Variants in TSPAN19 observed in about 807,000 individuals in gnomAD.
The protein encoded by TSPAN19 is tetraspanin-19.
Under a neutral mutation model 35.1 loss-of-function variants are expected in TSPAN19, and 44 were observed. The ratio of observed to expected loss-of-function variants is 1.25; its 90% confidence interval spans 0.98 to 1.61. The LOEUF (loss-of-function observed/expected upper bound fraction) is 1.61, where lower values mean the gene tolerates loss of function less well. TSPAN19 is among the 40% of genes most tolerant of loss of function. The probability of loss-of-function intolerance (pLI) is 0.00; values close to 1 mark genes in which losing one functional copy is unlikely to be tolerated. For missense variants in TSPAN19, 290 were observed against 280.0 expected, an observed-to-expected ratio of 1.04 and a Z score of -0.26; for synonymous variants, 79 against 92.0, an observed-to-expected ratio of 0.86 and a Z score of 0.81.
intron 7 of TSPAN19, 105 bp downstream of exon 7, chr12:85,017,348 TCAA>T: frequency 2.0e-6 from 2 of 1,013,486 alleles, no homozygotes; most frequent in Non-Finnish European, 2.9e-6. Context: ...GTAGCCACCG[TCAA>T]CAACATTATT....
chr12:85,017,751 T>C (rs559477340), intron 6 of TSPAN19, among the ~76,000 whole-genome samples, 152 bp from the exon 7 acceptor site: 1 of 152,046 alleles, frequency 6.6e-6, no homozygotes, highest in African/African-American at 2.4e-5. Context: ...TCTGTGCTTG[T>C]TTAATTCATT....
In TSPAN19 at chr12:85,028,043, A is replaced by C; in HGVS notation, c.140-20T>G. ...TTTCATCTGTGAAAAGTACAAATTT[A>C]CTTATTATGAAGTGGTATTTTATAT... On this transcript the variant is annotated intron_variant, in intron 3 of 8. Transcript: ENST00000532498. The C allele has an allele frequency of 1.3e-6, 2 of 1,498,160 alleles. No homozygotes were observed. The highest frequency in any genetic ancestry group is 1.8e-6 in the Non-Finnish European group (2 of 1,105,392). The allele number at this position is 1,498,160 out of a possible 1,614,324, so 92.8% of individuals were successfully genotyped here.
intron 8 of TSPAN19, 70 bp downstream of exon 8, chr12:85,015,818 T>G: frequency 8.9e-7 from 1 of 1,117,862 alleles, no homozygotes; most frequent in Non-Finnish European, 1.3e-6. Context: ...CTCCACCTGA[T>G]TGCTCTGCAG....
At chr12:85,025,858 T>C (rs1877386013) in intron 4 of TSPAN19, among the ~76,000 whole-genome samples, 1 of 152,248 alleles carries the variant, frequency 6.6e-6, no homozygotes, top group South Asian at 2.1e-4. Context: ...CTATAATATT[T>C]GCCCATAAGT....
In TSPAN19 at chr12:85,025,525, T is replaced by C. The variant is rs1738428646; in HGVS notation, c.265-2125A>G. ...CCTTTAAGACATGGAATAGCTTTTT[T>C]TGTTGGGGGGGAGGTGGGGGATGGA... is the stretch of plus-strand genomic sequence containing the variant. On this transcript the variant is annotated intron_variant, in intron 4 of 8. Coordinates refer to ENST00000532498, the MANE Select transcript of TSPAN19 (RefSeq NM_001100917.2). Among the ~76,000 whole-genome samples, 3 of 151,158 alleles carry C rather than the reference T, an allele frequency of 2.0e-5. No individual in the cohort carries two copies. The South Asian group carries it at 6.3e-4, about 32-fold the overall frequency.
chr12:85,030,361 A>T (rs1031062389), intron 1 of TSPAN19, among the ~76,000 whole-genome samples: 1 of 152,098 alleles, frequency 6.6e-6, no homozygotes, highest in African/African-American at 2.4e-5. Flanking sequence ...ATAGCCAGGA[A>T]CATTTCCAGT....
Position 85,027,885 on chromosome 12 carries a change from C to T in TSPAN19, c.264+14G>A. On this transcript the variant is annotated intron_variant, in intron 4 of 8. Transcript: ENST00000532498. Reference sequence around the variant, plus strand: ...CTAAGACAAAAATTCAAACTATTGACATGAAATACGTACCACAATTAGGAG... The same window carrying T: ...CTAAGACAAAAATTCAAACTATTGATATGAAATACGTACCACAATTAGGAG... 1 of 1,549,012 alleles carries T rather than the reference C, an allele frequency of 6.5e-7. No individual in the cohort carries two copies. Among genetic ancestry groups the T allele is most frequent in the Non-Finnish European group, 8.7e-7 (1 of 1,149,256 alleles).
In TSPAN19 at chr12:85,014,483, A is replaced by C. The variant is rs1445037860; in HGVS notation, c.*4T>G. 1.3e-6 allele frequency: 2 copies of C among 1,589,138 alleles called. No individual in the cohort carries two copies. The highest frequency in any genetic ancestry group is 2.3e-5 in the South Asian group (2 of 86,874). On this transcript the variant is annotated 3_prime_UTR_variant, in exon 9 of 9. Transcript: ENST00000532498. ...TTTCTTCTGAACAAATTGAAATCCA[A>C]AGGTCACATTTCTGCATGGATTATA...
chr12:85,028,586 T>C (rs1456991611), intron 3 of TSPAN19, among the ~76,000 whole-genome samples: 1 of 152,150 alleles, frequency 6.6e-6, no homozygotes, highest in African/African-American at 2.4e-5. Context: ...CAACAAATAA[T>C]TGTTTTAAAA....
intron 6 of TSPAN19, among the ~76,000 whole-genome samples, chr12:85,019,096 G>T (rs1225240462): frequency 1.3e-5 from 2 of 151,776 alleles, no homozygotes; most frequent in African/African-American, 4.8e-5. Context: ...TTTATGCCCT[G>T]GATCCAAGCC....
chr12:85,034,031 C>A (rs925051069), intron 1 of TSPAN19, among the ~76,000 whole-genome samples: 2 of 152,008 alleles, frequency 1.3e-5, no homozygotes, highest in Non-Finnish European at 2.9e-5. Flanking sequence ...CATAAATTCT[C>A]ATTTTTCTGT....
chr12:85,024,348 A>G (rs949043741), intron 4 of TSPAN19, among the ~76,000 whole-genome samples: 2 of 152,168 alleles, frequency 1.3e-5, no homozygotes, highest in African/African-American at 4.8e-5. Context: ...AGTCCTTAGA[A>G]ACAGTATTTA....
At chr12:85,017,651 A>G in intron 6 of TSPAN19, 52 bp from the exon 7 acceptor site, 2 of 1,356,136 alleles carry the variant, frequency 1.5e-6, no homozygotes, top group Non-Finnish European at 2.0e-6. Context: ...AATGCAGTTA[A>G]TTATATGAGA....
chr12:85,018,304 T>C (rs1037760233), intron 6 of TSPAN19, among the ~76,000 whole-genome samples: 1 of 151,930 alleles, frequency 6.6e-6, no homozygotes, highest in African/African-American at 2.4e-5. Context: ...GTACTGCCTA[T>C]GTTTACAATA....
chr12:85,018,986 C>G (rs980418139), intron 6 of TSPAN19, among the ~76,000 whole-genome samples: 5 of 151,732 alleles, frequency 3.3e-5, no homozygotes, highest in Admixed American at 2.6e-4. Flanking sequence ...AACCATTTAG[C>G]CGACAATACC....
chr12:85,032,313 A>G (rs1386054529), intron 1 of TSPAN19, among the ~76,000 whole-genome samples: 1 of 152,098 alleles, frequency 6.6e-6, no homozygotes, highest in East Asian at 1.9e-4. Flanking sequence ...CAGAGGTTTG[A>G]TGGTAGAGAA....
intron 6 of TSPAN19, among the ~76,000 whole-genome samples, chr12:85,018,946 T>C (rs1004342457): frequency 8.6e-5 from 13 of 151,880 alleles, no homozygotes; most frequent in African/African-American, 2.7e-4. Flanking sequence ...TGGGCACTTA[T>C]TATATTCCAG....
rs1592666265 is a variant in TSPAN19, at chr12:85,028,161, T to C, written c.140-138A>G. The C allele has an allele frequency of 1.2e-5, 7 of 597,716 alleles. No individual in the cohort carries two copies. In the East Asian group the frequency reaches 2.4e-4, roughly 20 times the overall value. 37.0% of individuals were successfully genotyped at this position (597,716 alleles called of 1,614,324 possible). A position where few individuals can be genotyped will look rare whatever the true frequency, so the allele number is the denominator to read the frequency against. On this transcript the variant is annotated intron_variant, in intron 3 of 8. Transcript: ENST00000532498. ...GTTGCCAAACCACTAGGATTCTCTG[T>C]CTCTCTCTGTCTCTCAATTTTTGAC...
Position 85,019,481 on chromosome 12 carries a change from G to T in TSPAN19, c.450+145C>A. On this transcript the variant is annotated intron_variant, in intron 6 of 8. Transcript: ENST00000532498. ...GATATAAATCAAGATTTGTAAGTGT[G>T]GAGAATGCCCTTTTTGCCCAGTTTG... The T allele has an allele frequency of 7.1e-6, 4 of 560,080 alleles. No individual in the cohort carries two copies. In the South Asian group the frequency reaches 1.0e-4, roughly 14 times the overall value. The allele number at this position is 560,080 out of a possible 1,614,324, so 34.7% of individuals were successfully genotyped here.
Sources: gnomAD v4.1 joint callset for allele counts (sites outside exome capture counted in the v4.1 genomes callset) on GRCh38, gnomAD v4.1.1 for gene constraint, MANE v1.5 for transcripts, NCBI Gene and HGNC (gene_info 2026-07-23, HGNC 2026-07-21) for gene names.